The following QTGAL variants were observed in gnomAD, a reference collection of about 807,000 sequenced individuals.
QTGAL encodes the protein queuosine-tRNA galactosyltransferase.
At chr17:82,974,809 A>G in the QTGAL span, among the ~76,000 whole-genome samples, 2 of 152,230 alleles carry the variant, frequency 1.3e-5, no homozygotes, top group Admixed American at 1.3e-4. Context: ...GCTGGGAACC[A>G]GTGTCTGCAC....
the QTGAL span, among the ~76,000 whole-genome samples, chr17:83,049,929 G>C: frequency 6.6e-6 from 1 of 152,074 alleles, no homozygotes; most frequent in Non-Finnish European, 1.5e-5. Context: ...TAAGTGATAC[G>C]GAGCGATACT....
At chr17:83,037,631 C>T in the QTGAL span, among the ~76,000 whole-genome samples, 66 of 152,290 alleles carry the variant, frequency 4.3e-4, no homozygotes, top group African/African-American at 1.6e-3. The surrounding 1 kb of genome is among the most constrained non-coding windows in gnomAD (Gnocchi z 5.2). Flanking sequence ...AAGCTCCTCA[C>T]GAGAAACACA....
At chr17:83,029,697 C>T in the QTGAL span, among the ~76,000 whole-genome samples, 4 of 152,188 alleles carry the variant, frequency 2.6e-5, no homozygotes, top group Admixed American at 6.5e-5. Context: ...CGCGTCTGCA[C>T]GAATAACTCA....
At chr17:83,016,911 G>A in the QTGAL span, among the ~76,000 whole-genome samples, 2 of 152,148 alleles carry the variant, frequency 1.3e-5, no homozygotes, top group Admixed American at 6.5e-5. Context: ...CTTCAAACAC[G>A]GGACCCTCAA....
chr17:82,947,458 A>AG, the QTGAL span: 1 of 157,080 alleles, frequency 6.4e-6, no homozygotes, highest in Non-Finnish European at 1.4e-5. Flanking sequence ...CCTGCAATGG[A>AG]GTGAGGGCTG....
chr17:82,945,173 G>A, the QTGAL span: 2 of 152,228 alleles, frequency 1.3e-5, no homozygotes, highest in African/African-American at 4.8e-5. Context: ...GAAGTGAAAT[G>A]AAAAGCTCAA....
the QTGAL span, among the ~76,000 whole-genome samples, chr17:83,024,506 C>T: frequency 2.6e-5 from 4 of 152,206 alleles, no homozygotes; most frequent in Admixed American, 1.3e-4. Flanking sequence ...AGGTGGGTTG[C>T]GTGTGGGGCC....
the QTGAL span, among the ~76,000 whole-genome samples, chr17:83,029,689 C>T: frequency 3.9e-5 from 6 of 152,154 alleles, no homozygotes; most frequent in Non-Finnish European, 5.9e-5. Flanking sequence ...GGACACAGCG[C>T]GTCTGCACGA....
chr17:83,035,463 C>A, the QTGAL span, among the ~76,000 whole-genome samples: 30,824 of 152,036 alleles, frequency 0.2, 3,290 homozygotes, highest in Non-Finnish European at 0.24. Flanking sequence ...GCCACCGCAC[C>A]CGCCCAATAT....
the QTGAL span, among the ~76,000 whole-genome samples, chr17:83,019,743 T>C: frequency 1.3e-5 from 2 of 152,092 alleles, no homozygotes; most frequent in African/African-American, 2.4e-5. Context: ...CTTTCTCTCT[T>C]TTTTTTTGAG....
chr17:82,948,142 G>A, the QTGAL span: 2 of 152,236 alleles, frequency 1.3e-5, no homozygotes, highest in African/African-American at 4.8e-5. Context: ...GGGGAACCCT[G>A]ATGAGAAACA....
chr17:82,968,236 C>T, the QTGAL span, among the ~76,000 whole-genome samples: 8 of 152,172 alleles, frequency 5.3e-5, no homozygotes, highest in African/African-American at 1.7e-4. Flanking sequence ...GGCAGCTCCA[C>T]GCACAGCAGC....
chr17:83,011,442 C>T, the QTGAL span: 1 of 152,214 alleles, frequency 6.6e-6, no homozygotes, highest in Non-Finnish European at 1.5e-5. Context: ...AGTATCTCAG[C>T]GTTTATTTCA....
the QTGAL span, chr17:82,981,486 A>T: frequency 6.6e-6 from 1 of 152,284 alleles, no homozygotes; most frequent in East Asian, 1.9e-4. Context: ...AAGAAATGTT[A>T]CACAAGTTAG....
the QTGAL span, chr17:82,957,200 TAGA>T: frequency 1.9e-6 from 3 of 1,614,162 alleles, no homozygotes; most frequent in Non-Finnish European, 2.5e-6. Flanking sequence ...CTCGTGGCAA[TAGA>T]AGCCTTTCCT....
chr17:82,953,424 TA>T, the QTGAL span, among the ~76,000 whole-genome samples: 1 of 151,992 alleles, frequency 6.6e-6, no homozygotes, highest in Admixed American at 6.5e-5. Context: ...ACGAAATGGA[TA>T]AATTCCTGGA....
At chr17:83,030,451 G>A in the QTGAL span, among the ~76,000 whole-genome samples, 7 of 152,206 alleles carry the variant, frequency 4.6e-5, no homozygotes, top group African/African-American at 1.2e-4. Flanking sequence ...CCTCTGACAC[G>A]GGACAGGCCT....
At chr17:82,970,491 C>T in the QTGAL span, among the ~76,000 whole-genome samples, 4 of 152,056 alleles carry the variant, frequency 2.6e-5, no homozygotes, top group East Asian at 3.9e-4. Flanking sequence ...GTGGTGAGGA[C>T]GACCTGAGAA....
At chr17:83,049,578 G>A in the QTGAL span, among the ~76,000 whole-genome samples, 1 of 151,846 alleles carries the variant, frequency 6.6e-6, no homozygotes, top group South Asian at 2.1e-4. Context: ...CATGTTCTAG[G>A]TGGAATAAGC....
Sources: gnomAD v4.1 joint callset for allele counts (sites outside exome capture counted in the v4.1 genomes callset) on GRCh38, gnomAD v4.1.1 for gene constraint, Gnocchi (gnomAD v3.1) non-coding constraint, MANE v1.5 for transcripts, NCBI Gene and HGNC (gene_info 2026-07-23, HGNC 2026-07-21) for gene names.